The following APTX variants were observed in gnomAD, a reference collection of about 807,000 sequenced individuals.
The protein encoded by APTX is aprataxin.
APTX carries 33 observed loss-of-function variants against 42.3 expected under a neutral mutation model. The ratio of observed to expected loss-of-function variants is 0.78; its 90% confidence interval spans 0.59 to 1.04. APTX has a LOEUF of 1.04. APTX is among the 50% of genes least tolerant of loss of function. The probability of loss-of-function intolerance (pLI) is 0.00; values close to 1 mark genes in which losing one functional copy is unlikely to be tolerated. For synonymous variants in APTX, 130 were observed against 146.7 expected (o/e 0.89, Z 0.82); for missense variants, 421 against 415.1 (o/e 1.01, Z -0.12).
intron 6 of APTX, among the ~76,000 whole-genome samples, chr9:32,975,990 C>T (rs1348547000): frequency 6.6e-6 from 1 of 152,100 alleles, no homozygotes; most frequent in Non-Finnish European, 1.5e-5. Context: ...AAGTGTACTC[C>T]AAGCGTACCG....
intron 1 of APTX, among the ~76,000 whole-genome samples, chr9:32,994,094 G>A (rs1461455832): frequency 1.3e-5 from 2 of 152,166 alleles, no homozygotes; most frequent in African/African-American, 2.4e-5. Flanking sequence ...AAGAACTCAA[G>A]TGATCTGATA....
In APTX at chr9:32,986,046, A is replaced by AAC. The variant is rs1554664827; in HGVS notation, c.484-17_484-16insGT. The AAC allele has an allele frequency of 7.7e-6, 5 of 652,420 alleles. No homozygotes were observed. In the African/African-American group the frequency reaches 1.1e-4, roughly 14 times the overall value. 40.4% of individuals were successfully genotyped at this position (652,420 alleles called of 1,614,324 possible). Reference sequence around the variant, plus strand: ...CCAGGGATTCCTAAAAAAAAAACAAAAAAAAAAACAAAAAAAAAAAAAAAC... The same window carrying AAC: ...CCAGGGATTCCTAAAAAAAAAACAAAACAAAAAAAACAAAAAAAAAAAAAAAC... On this transcript the variant is annotated splice_polypyrimidine_tract_variant and intron_variant, in intron 4 of 7. Coordinates refer to ENST00000379817, the MANE Select transcript of APTX (RefSeq NM_001195248.2).
At position 33,001,488 on chromosome 9, in the gene APTX, G is replaced by A. The variant is rs767422819; in HGVS notation, c.-5+79C>T. 24 of 1,606,362 alleles carry A rather than the reference G, an allele frequency of 1.5e-5. No homozygotes were observed. The South Asian group carries it at 1.9e-4, about 13-fold the overall frequency. ...GTCATTCAAGGCACATCACTCAAGG[G>A]TAGGAGCAGCCTCGGCCGAACGCTC... On this transcript the variant is annotated intron_variant, in intron 1 of 7. Coordinates refer to ENST00000379817, the MANE Select transcript of APTX (RefSeq NM_001195248.2).
chr9:32,973,539 G>C lies in APTX; in HGVS notation c.988C>G (p.Pro330Ala). Reference sequence around the variant, plus strand: ...TTCCTGAGATGTTCTTTCAGCTGAGGAATGGAAGGCAGCAGCTGCTGGCAC... The same window carrying C: ...TTCCTGAGATGTTCTTTCAGCTGAGCAATGGAAGGCAGCAGCTGCTGGCAC... ...HECQQLLPSIPQLKEHLRKHW... is the reference protein window; with the variant it reads ...HECQQLLPSIAQLKEHLRKHW... Residue 330 changes from proline to alanine, a missense_variant, in exon 8 of 8, where the codon CCT becomes GCT. By Grantham distance (27) the Pro-to-Ala change is conservative. Transcript: ENST00000379817. 6.2e-7 allele frequency: 1 copy of C among 1,614,040 alleles called. No homozygotes were observed. The highest frequency in any genetic ancestry group is 8.5e-7 in the Non-Finnish European group (1 of 1,180,012).
chr9:32,987,527 A>G lies in APTX; in HGVS notation c.483+17T>C. On this transcript the variant is annotated intron_variant, in intron 4 of 7. Coordinates refer to ENST00000379817, the MANE Select transcript of APTX (RefSeq NM_001195248.2). ...TCATTTCTTCTCCACATCATCTACC[A>G]ATCACACTACCCTCACCTTTTTGAT... The G allele has an allele frequency of 6.2e-7, 1 of 1,613,160 alleles. No individual in the cohort carries two copies. Among genetic ancestry groups the G allele is most frequent in the South Asian group, 1.1e-5 (1 of 91,082 alleles).
intron 4 of APTX, 191 bp from the exon 5 acceptor site, chr9:32,986,221 C>CTT: frequency 2.8e-6 from 2 of 707,366 alleles, no homozygotes; most frequent in Admixed American, 1.9e-5. Flanking sequence ...CCTATATTCT[C>CTT]TTTTTTTTTG....
intron 1 of APTX, among the ~76,000 whole-genome samples, chr9:33,008,643 C>T (rs1375332526): frequency 6.6e-6 from 1 of 151,600 alleles, no homozygotes; most frequent in Non-Finnish European, 1.5e-5. Context: ...CCTCCACCTC[C>T]CTGGTTCAAG....
At chr9:32,985,601 G>C (rs2118718457) in intron 5 of APTX, among the ~76,000 whole-genome samples, 1 of 152,254 alleles carries the variant, frequency 6.6e-6, no homozygotes, top group South Asian at 2.1e-4. Flanking sequence ...CTCCCAAAGT[G>C]CTGGGATTAC....
In APTX at chr9:32,977,092, CAT is replaced by C. The variant is rs760888836; in HGVS notation, c.771-2533_771-2532del. 3.0e-4 allele frequency among the ~76,000 whole-genome samples: 45 copies of C among 152,250 alleles called. 1 individual carries two copies. The highest frequency in any genetic ancestry group is 2.9e-3 in the South Asian group (14 of 4,828). On this transcript the variant is annotated intron_variant, in intron 6 of 7. Coordinates refer to ENST00000379817, the MANE Select transcript of APTX (RefSeq NM_001195248.2). The stretch of plus-strand genomic sequence containing the variant: ...GTATTAACAGAGAATTTCTACTGCA[CAT>C]GTTTTAAACCGTTAAAAAATAAAAA...
At chr9:33,001,296 A>T in intron 1 of APTX, 2 of 1,491,472 alleles carry the variant, frequency 1.3e-6, no homozygotes, top group Non-Finnish European at 1.8e-6. Context: ...CCATTCTCTA[A>T]TATTTTTTCG....
At chr9:33,017,673 T>C (rs553743627) in intron 1 of APTX, among the ~76,000 whole-genome samples, 1 of 152,310 alleles carries the variant, frequency 6.6e-6, no homozygotes, top group Admixed American at 6.5e-5. Flanking sequence ...AAATAATTCT[T>C]ACATTTCTCA....
chr9:32,989,764 T>A lies in APTX; in HGVS notation c.128A>T (p.Gln43Leu). 6.2e-7 allele frequency: 1 copy of A among 1,614,278 alleles called. No individual in the cohort carries two copies. Residue 43 changes from glutamine (Q) to leucine (L), a missense_variant, in exon 2 of 8, where the codon CAG becomes CTG. Transcript: ENST00000379817. Reference sequence around the variant, plus strand: ...ACATTTCTATGACCAGTTACCTTGCTGTCGAGAACATTTCTTATCAGTGAT... The same window carrying A: ...ACATTTCTATGACCAGTTACCTTGCAGTCGAGAACATTTCTTATCAGTGAT... Reference protein sequence around the residue: ...TKITDKKCSRQQVQLKAECNK... With the variant: ...TKITDKKCSRLQVQLKAECNK...
intron 6 of APTX, among the ~76,000 whole-genome samples, chr9:32,976,184 C>T (rs1829349160): frequency 6.8e-6 from 1 of 147,108 alleles, no homozygotes; most frequent in Admixed American, 6.9e-5. Flanking sequence ...ACAATGAGAT[C>T]ACTTGGACAC....
intron 1 of APTX, among the ~76,000 whole-genome samples, chr9:33,012,397 C>T (rs1837602625): frequency 6.6e-6 from 1 of 152,170 alleles, no homozygotes; most frequent in South Asian, 2.1e-4. Flanking sequence ...TTTCAGAATT[C>T]CTACCCTTCC....
At chr9:33,004,231 A>C (rs1836961496), upstream of APTX, among the ~76,000 whole-genome samples, 1 of 152,206 alleles carries the variant, frequency 6.6e-6, no homozygotes, top group South Asian at 2.1e-4. Flanking sequence ...GGGTATGTAA[A>C]GGCATACAGA....
intron 6 of APTX, among the ~76,000 whole-genome samples, chr9:32,975,272 T>C (rs1230329286): frequency 2.0e-5 from 3 of 152,222 alleles, no homozygotes; most frequent in Middle Eastern, 3.4e-3. Flanking sequence ...TGGGAAGCCA[T>C]TGAAGGATTT....
At chr9:33,022,974 G>A (rs1838511127) in intron 1 of APTX, among the ~76,000 whole-genome samples, 1 of 151,994 alleles carries the variant, frequency 6.6e-6, no homozygotes, top group Non-Finnish European at 1.5e-5. Context: ...GTAGCTGGGA[G>A]TACAGGCCCA....
chr9:32,988,685 GGA>G lies in APTX; in HGVS notation c.134-558_134-557del, dbSNP rs1563969962. Among the ~76,000 whole-genome samples, 33 of 60,466 alleles carry G rather than the reference GGA, an allele frequency of 5.5e-4. 1 individual carries two copies. Among genetic ancestry groups the G allele is most frequent in the Non-Finnish European group, 7.9e-4 (25 of 31,772 alleles). The allele number at this position is 60,466 out of a possible 152,430, so 39.7% of individuals were successfully genotyped here. A position where few individuals can be genotyped will look rare whatever the true frequency, so the allele number is the denominator to read the frequency against. On this transcript the variant is annotated intron_variant, in intron 2 of 7. Coordinates refer to ENST00000379817, the MANE Select transcript of APTX (RefSeq NM_001195248.2). ...AACAGAGTGAGACCCTATCTCAGGAGGAAAAAAAAAAAAAAAAAAAAAAAAAA... is the reference window on the plus strand; with the variant it reads ...AACAGAGTGAGACCCTATCTCAGGAGAAAAAAAAAAAAAAAAAAAAAAAAA...
At chr9:33,010,843 T>C (rs1041687908) in intron 1 of APTX, among the ~76,000 whole-genome samples, 46 of 151,796 alleles carry the variant, frequency 3.0e-4, no homozygotes, top group African/African-American at 1.0e-3. Context: ...AAGTGGGATA[T>C]AGAAAGTGGT....
Sources: gnomAD v4.1 joint callset for allele counts (sites outside exome capture counted in the v4.1 genomes callset) on GRCh38, gnomAD v4.1.1 for gene constraint, MANE v1.5 for transcripts, NCBI Gene and HGNC (gene_info 2026-07-23, HGNC 2026-07-21) for gene names.